RBFOX1: variants seen among roughly 807,000 people sequenced by gnomAD.
RBFOX1 encodes RNA binding protein fox-1 homolog 1.
A neutral mutation model predicts 57.7 loss-of-function variants in RBFOX1; 8 were observed. The ratio of observed to expected loss-of-function variants is 0.14; its 90% CI spans 0.08 to 0.25. The LOEUF (loss-of-function observed/expected upper bound fraction) is 0.25. Ranked by LOEUF, RBFOX1 falls within the 10% of genes least tolerant of loss-of-function variation. RBFOX1 has a pLI of 1.00. For synonymous variants in RBFOX1, 326 were observed against 222.4 expected, an observed-to-expected ratio of 1.47 and a Z score of -4.15; for missense variants, 611 against 548.5, an observed-to-expected ratio of 1.11 and a Z score of -1.14.
intron 1 of RBFOX1, among the ~76,000 whole-genome samples, chr16:5,444,187 G>A (rs983834414): frequency 2.0e-5 from 3 of 152,184 alleles, no homozygotes; most frequent in African/African-American, 7.2e-5. Flanking sequence ...AACATAGGTG[G>A]TCTGATCAAT....
In RBFOX1 at chr16:7,366,578, C is replaced by G. The variant is rs551209016; in HGVS notation, c.28-151569C>G. The stretch of plus-strand genomic sequence containing the variant: ...GAGGCTGCCTTAGTCGGCTTGTGTC[C>G]TAGTTGATATATTTGTTGGAATGTA... On this transcript the variant is annotated intron_variant, in intron 4 of 15. Coordinates refer to ENST00000550418, the MANE Select transcript of RBFOX1 (RefSeq NM_018723.4). Among the ~76,000 whole-genome samples, 24 of 152,128 alleles carry G rather than the reference C, an allele frequency of 1.6e-4. No homozygotes were observed. In the South Asian group the frequency reaches 4.8e-3, roughly 30 times the overall value.
intron 1 of RBFOX1, among the ~76,000 whole-genome samples, chr16:5,318,742 T>C (rs977164345): frequency 1.3e-5 from 2 of 152,210 alleles, no homozygotes; most frequent in Non-Finnish European, 2.9e-5. Context: ...GGTACTGCTC[T>C]AAAGGGATTT....
intron 5 of RBFOX1, among the ~76,000 whole-genome samples, chr16:7,529,458 G>C (rs2079472482): frequency 6.6e-6 from 1 of 152,170 alleles, no homozygotes; most frequent in Admixed American, 6.5e-5. Context: ...TAGTAATTTA[G>C]CAAACAAATT....
At chr16:6,410,499 G>A (rs913220671) in intron 2 of RBFOX1, among the ~76,000 whole-genome samples, 4 of 151,810 alleles carry the variant, frequency 2.6e-5, no homozygotes, top group African/African-American at 9.7e-5. Flanking sequence ...TTTTAGTAGA[G>A]ACGGGGTTTC....
intron 1 of RBFOX1, among the ~76,000 whole-genome samples, chr16:6,255,122 CAAGA>C (rs1171067053): frequency 6.6e-6 from 1 of 152,010 alleles, no homozygotes; most frequent in Non-Finnish European, 1.5e-5. Flanking sequence ...GAGAGATAAA[CAAGA>C]AAGAAAGTCT....
intron 1 of RBFOX1, among the ~76,000 whole-genome samples, chr16:5,441,753 C>A (rs886170597): frequency 4.6e-5 from 7 of 152,114 alleles, no homozygotes; most frequent in Admixed American, 1.3e-4. Context: ...GAAAACATGT[C>A]CTTCTTCACA....
chr16:7,144,861 C>G (rs1019314311), intron 4 of RBFOX1, among the ~76,000 whole-genome samples: 5 of 152,120 alleles, frequency 3.3e-5, no homozygotes, highest in Non-Finnish European at 7.3e-5. Flanking sequence ...TGCCATTTAG[C>G]AGTATTGGGT....
chr16:5,858,927 C>G (rs1032491294), intron 3 of RBFOX1, among the ~76,000 whole-genome samples: 1 of 152,022 alleles, frequency 6.6e-6, no homozygotes, highest in African/African-American at 2.4e-5. Flanking sequence ...AGAAATACCC[C>G]TTTGGGGCCG....
chr16:6,861,491 C>CA (rs955137666), intron 3 of RBFOX1, among the ~76,000 whole-genome samples: 17 of 151,326 alleles, frequency 1.1e-4, no homozygotes, highest in East Asian at 9.9e-4. Context: ...ACCCCCTCCC[C>CA]CCCCGACTCA....
At chr16:7,026,836 A>G (rs981663337) in intron 3 of RBFOX1, among the ~76,000 whole-genome samples, 3 of 152,196 alleles carry the variant, frequency 2.0e-5, no homozygotes, top group Non-Finnish European at 4.4e-5. Flanking sequence ...GCTGATCTGG[A>G]CATTCCAGTC....
intron 14 of RBFOX1, among the ~76,000 whole-genome samples, chr16:7,698,183 G>GGTGTGTGTGTGTGTGTGT (rs59239865): frequency 1.5e-5 from 2 of 136,116 alleles, no homozygotes; most frequent in Non-Finnish European, 1.6e-5. Flanking sequence ...AGTCCAAGAG[G>GGTGTGTGTGTGTGTGTGT]GTGTGTGTGT....
At chr16:6,245,724 A>G (rs2097565596) in intron 1 of RBFOX1, among the ~76,000 whole-genome samples, 1 of 152,192 alleles carries the variant, frequency 6.6e-6, no homozygotes, top group Admixed American at 6.5e-5. Context: ...AAAAGCTCTG[A>G]GAACTAAAGA....
intron 4 of RBFOX1, among the ~76,000 whole-genome samples, chr16:7,515,130 C>A (rs897363894): frequency 2.0e-5 from 3 of 152,128 alleles, no homozygotes; most frequent in African/African-American, 7.2e-5. Context: ...TTCCCAAGAT[C>A]CCAACATTTC....
At chr16:7,227,360 C>T (rs1603383846) in intron 4 of RBFOX1, among the ~76,000 whole-genome samples, 1 of 150,480 alleles carries the variant, frequency 6.6e-6, no homozygotes, top group Non-Finnish European at 1.5e-5. Context: ...TGCCCCCTCT[C>T]ACTTAGCTCA....
At chr16:7,442,153 G>C (rs2098773074) in intron 4 of RBFOX1, among the ~76,000 whole-genome samples, 1 of 152,190 alleles carries the variant, frequency 6.6e-6, no homozygotes, top group East Asian at 1.9e-4. Context: ...TGCATGAACG[G>C]GACCCCAGAG....
chr16:6,294,818 C>T (rs534142036), intron 1 of RBFOX1, among the ~76,000 whole-genome samples: 1 of 152,260 alleles, frequency 6.6e-6, no homozygotes, highest in South Asian at 2.1e-4. Context: ...TGAGTAGCAA[C>T]AGAATGCATG....
At chr16:7,193,333 G>T (rs368500069) in intron 4 of RBFOX1, among the ~76,000 whole-genome samples, 1 of 152,190 alleles carries the variant, frequency 6.6e-6, no homozygotes, top group Non-Finnish European at 1.5e-5. Flanking sequence ...CAAGAACTCA[G>T]ATTCTTCCCT....
intron 3 of RBFOX1, among the ~76,000 whole-genome samples, chr16:6,897,158 C>G (rs1300049542): frequency 6.6e-6 from 1 of 152,196 alleles, no homozygotes; most frequent in Non-Finnish European, 1.5e-5. Context: ...CAAGCTGACA[C>G]AGCGGCTGTA....
At chr16:6,246,356 G>A (rs2097569028) in intron 1 of RBFOX1, among the ~76,000 whole-genome samples, 1 of 152,158 alleles carries the variant, frequency 6.6e-6, no homozygotes, top group Non-Finnish European at 1.5e-5. Flanking sequence ...GGAAGAGTGA[G>A]CAGGCAATTC....
Sources: allele counts gnomAD v4.1 joint callset (sites outside exome capture counted in the v4.1 genomes callset), GRCh38; gene constraint gnomAD v4.1.1; transcripts MANE v1.5; gene names NCBI Gene and HGNC (gene_info 2026-07-23, HGNC 2026-07-21).